VAT1L: variants seen among roughly 807,000 people sequenced by gnomAD.
The protein encoded by VAT1L is vesicle amine transport 1 like.
Under a neutral mutation model 44.1 loss-of-function variants are expected in VAT1L, and 34 were observed. The ratio of observed to expected loss-of-function variants is 0.77; its 90% CI spans 0.59 to 1.03. The LOEUF (loss-of-function observed/expected upper bound fraction) is 1.03. Among genes scored for constraint, VAT1L ranks in the 50% least tolerant of loss-of-function variants. The pLI is 0.00. For synonymous variants in VAT1L, 253 were observed against 202.2 expected (o/e 1.25, Z -2.13); for missense variants, 615 against 538.8 (o/e 1.14, Z -1.40).
Position 77,799,069 on chromosome 16 carries a change from C to T in VAT1L, c.233+10154C>T, listed in dbSNP as rs559253453. Among the ~76,000 whole-genome samples the T allele has an allele frequency of 8.2e-5, 9 of 109,492 alleles. No individual in the cohort carries two copies. In the South Asian group the frequency reaches 1.1e-3, roughly 13 times the overall value. The allele number at this position is 109,492 out of a possible 152,430, so 71.8% of individuals were successfully genotyped here. Reference sequence around the variant, plus strand: ...GGTGGTGGTCATTAGCTGCAGCTGCCGTGTGAAAATTTAGCGAGCCCCAGT... The same window carrying T: ...GGTGGTGGTCATTAGCTGCAGCTGCTGTGTGAAAATTTAGCGAGCCCCAGT... On this transcript the variant is annotated intron_variant, in intron 1 of 8. Transcript: ENST00000302536.
intron 7 of VAT1L, among the ~76,000 whole-genome samples, chr16:77,891,461 T>C (rs2142467457): frequency 6.6e-6 from 1 of 152,356 alleles, no homozygotes; most frequent in South Asian, 2.1e-4. Context: ...GAAAGTTCTG[T>C]TGAAGCTGGT....
intron 2 of VAT1L, among the ~76,000 whole-genome samples, chr16:77,822,488 C>A (rs2016467753): frequency 6.6e-6 from 1 of 152,086 alleles, no homozygotes; most frequent in African/African-American, 2.4e-5. Flanking sequence ...TGGAGAGCCA[C>A]CCCCTTCCAG....
Position 77,934,452 on chromosome 16 carries a change from AAAAC to A in VAT1L, c.1078-37386_1078-37383del, listed in dbSNP as rs199914566. 4.1e-3 allele frequency among the ~76,000 whole-genome samples: 617 copies of A among 152,264 alleles called. 3 individuals carry two copies. The highest frequency in any genetic ancestry group is 7.6e-3 in the Admixed American group (117 of 15,300). ...GCCAAGGAATGCAAGCAGAATCCAA[AAAAC>A]AAACAAACAAAAAAAAATGGATTCT... On this transcript the variant is annotated intron_variant, in intron 7 of 8. Transcript: ENST00000302536.
intron 3 of VAT1L, among the ~76,000 whole-genome samples, chr16:77,848,988 A>C (rs2016782866): frequency 6.6e-6 from 1 of 152,204 alleles, no homozygotes; most frequent in Non-Finnish European, 1.5e-5. Flanking sequence ...GGTGGTGAAC[A>C]ATGAGAACAC....
At chr16:77,939,334 T>C (rs1336938033) in intron 7 of VAT1L, among the ~76,000 whole-genome samples, 1 of 152,216 alleles carries the variant, frequency 6.6e-6, no homozygotes, top group African/African-American at 2.4e-5. Flanking sequence ...TGCATGTTTT[T>C]TCCAGCTAGG....
intron 7 of VAT1L, among the ~76,000 whole-genome samples, chr16:77,906,599 C>A (rs1419247041): frequency 6.6e-6 from 1 of 152,222 alleles, no homozygotes; most frequent in African/African-American, 2.4e-5. Context: ...GCAGCTACTG[C>A]TGTGAGTGAC....
chr16:77,942,337 C>T (rs1423121649), intron 7 of VAT1L, among the ~76,000 whole-genome samples: 1 of 152,128 alleles, frequency 6.6e-6, no homozygotes, highest in East Asian at 1.9e-4. Context: ...ATTTAGTTAC[C>T]TCCCCCTGGT....
intron 7 of VAT1L, among the ~76,000 whole-genome samples, chr16:77,942,464 A>G (rs564932147): frequency 1.3e-5 from 2 of 152,148 alleles, no homozygotes; most frequent in East Asian, 1.9e-4. Flanking sequence ...TGCGCATACA[A>G]TTGTGAAGAG....
chr16:77,843,953 C>A (rs2016732691), intron 3 of VAT1L, among the ~76,000 whole-genome samples: 3 of 152,088 alleles, frequency 2.0e-5, no homozygotes, highest in Admixed American at 6.6e-5. Flanking sequence ...CTTGGGTCAC[C>A]CAGCAGATCT....
chr16:77,944,927 A>T (rs370507420), intron 7 of VAT1L, among the ~76,000 whole-genome samples: 5 of 152,178 alleles, frequency 3.3e-5, no homozygotes, highest in African/African-American at 1.2e-4. Flanking sequence ...CCACACACAC[A>T]CACAGAAACT....
intron 7 of VAT1L, among the ~76,000 whole-genome samples, chr16:77,915,380 T>C (rs394612): frequency 1 from 152,298 of 152,356 alleles, 76,120 homozygotes; most frequent in Middle Eastern, 1. Flanking sequence ...AACATTTATC[T>C]GCACACCAGT....
chr16:77,852,958 G>A (rs140656086), intron 3 of VAT1L, among the ~76,000 whole-genome samples: 1 of 152,322 alleles, frequency 6.6e-6, no homozygotes, highest in East Asian at 1.9e-4. Flanking sequence ...ATTATTTACA[G>A]GGTATGTTGA....
intron 7 of VAT1L, among the ~76,000 whole-genome samples, chr16:77,902,846 T>G (rs1293582145): frequency 6.6e-6 from 1 of 151,190 alleles, no homozygotes; most frequent in East Asian, 2.0e-4. Context: ...GGTTGTCCAC[T>G]CCTGTATTCC....
chr16:77,924,365 A>C lies in VAT1L; in HGVS notation c.1077+39563A>C, dbSNP rs73564451. Among the ~76,000 whole-genome samples the C allele has an allele frequency of 6.3e-3, 965 of 152,220 alleles. 8 individuals are homozygous for C. The highest frequency in any genetic ancestry group is 0.022 in the African/African-American group (915 of 41,536). Reference sequence around the variant, plus strand: ...CCCTGGCACACATATCAGGCATTTTAAGCTTTAGTGTATGAGAGCCGGGAA... The same window carrying C: ...CCCTGGCACACATATCAGGCATTTTCAGCTTTAGTGTATGAGAGCCGGGAA... On this transcript the variant is annotated intron_variant, in intron 7 of 8. Transcript: ENST00000302536.
chr16:77,974,729 A>AT (rs201653933), intron 8 of VAT1L, among the ~76,000 whole-genome samples: 24 of 150,370 alleles, frequency 1.6e-4, no homozygotes, highest in African/African-American at 2.7e-4. Flanking sequence ...CACCCAGCTA[A>AT]TTTTTTTTTT....
At chr16:77,886,716 AGGTAGCT>A (rs368775673) in intron 7 of VAT1L, among the ~76,000 whole-genome samples, 8 of 152,314 alleles carry the variant, frequency 5.3e-5, no homozygotes, top group African/African-American at 1.9e-4. Flanking sequence ...ATAATAAGCA[AGGTAGCT>A]GCCTGTCGTA....
chr16:77,882,176 A>C (rs2017161922), intron 6 of VAT1L: 1 of 152,202 alleles, frequency 6.6e-6, no homozygotes, highest in Non-Finnish European at 1.5e-5. Context: ...TGCTCTGAAA[A>C]GTCCTAGAAA....
chr16:77,884,704 C>T lies in VAT1L; in HGVS notation c.979C>T (p.Arg327Trp), dbSNP rs1055500524. The change falls in exon 7 of 9, where the codon CGG becomes TGG. Residue 327 changes from arginine (R) to tryptophan (W), a missense_variant. Transcript: ENST00000302536. The surrounding 1 kb of genome is among the most constrained non-coding windows in gnomAD (Gnocchi z 4.5). ...TTTAAATCTGCTCTTCAAACAAGGC[C>T]GGGCGGGCCTCATTCGGGGAGTGGT... ...SLLNLLFKQGRAGLIRGVVEK... is the reference protein window; with the variant it reads ...SLLNLLFKQGWAGLIRGVVEK... The T allele has an allele frequency of 3.0e-5, 49 of 1,611,306 alleles. No homozygotes were observed. The highest frequency in any genetic ancestry group is 3.7e-5 in the Non-Finnish European group (44 of 1,178,820).
At chr16:77,907,818 A>T (rs1028438695) in intron 7 of VAT1L, among the ~76,000 whole-genome samples, 1 of 152,206 alleles carries the variant, frequency 6.6e-6, no homozygotes, top group Admixed American at 6.5e-5. Flanking sequence ...GTTGTGGTCT[A>T]TCAAAAGCAA....
Sources: allele counts gnomAD v4.1 joint callset (sites outside exome capture counted in the v4.1 genomes callset), GRCh38; gene constraint gnomAD v4.1.1; non-coding constraint Gnocchi (gnomAD v3.1); transcripts MANE v1.5; gene names NCBI Gene and HGNC (gene_info 2026-07-23, HGNC 2026-07-21).